The following APC2 variants were observed in gnomAD, a reference collection of about 807,000 sequenced individuals.
APC2 encodes the protein adenomatous polyposis coli protein 2.
In APC2, 41 loss-of-function variants were observed where a neutral mutation model predicts 72.5. The observed-to-expected ratio is 0.57, with a 90% CI of 0.44 to 0.73. APC2 has a LOEUF of 0.73. Ranked by LOEUF, APC2 falls within the 30% of genes least tolerant of loss-of-function variation. APC2 has a pLI of 0.00. For missense variants in APC2, 3,729 were observed against 3,403.4 expected (o/e 1.10, Z -2.38); for synonymous variants, 1,898 against 1,612.0 (o/e 1.18, Z -4.25).
upstream of APC2, chr19:1,450,066 C>T (rs2083724644): frequency 1.1e-6 from 1 of 922,476 alleles, no homozygotes; most frequent in Non-Finnish European, 1.3e-6. Flanking sequence ...CCCGTCTTCC[C>T]GCGCCCTCAT....
Position 1,466,289 on chromosome 19 carries a change from GCCTA to G in APC2, c.2993_2996del (p.Thr998IlefsTer38), listed in dbSNP as rs1484632484. ...CCCGCGTGCGCACCATCAAGCTGTC[GCCTA>G]CCTATCAGCACGTGCCACTGCTTGA... On this transcript the variant is annotated frameshift_variant, in exon 15 of 15. Coordinates refer to ENST00000590469, the MANE Select transcript of APC2 (RefSeq NM_005883.3). LOFTEE classifies it low-confidence loss of function (END_TRUNC). 1 of 1,536,176 alleles carries G rather than the reference GCCTA, an allele frequency of 6.5e-7. No homozygotes were observed. The highest frequency in any genetic ancestry group is 8.7e-7 in the Non-Finnish European group (1 of 1,147,554).
At chr19:1,464,205 A>T (rs2083969495) in intron 14 of APC2, among the ~76,000 whole-genome samples, 1 of 152,078 alleles carries the variant, frequency 6.6e-6, no homozygotes, top group African/African-American at 2.4e-5. Flanking sequence ...CCTACTTGGG[A>T]GGCTAAGGCA....
At position 1,469,022 on chromosome 19, in the gene APC2, G is replaced by A. The variant is rs2084081590; in HGVS notation, c.5721G>A (p.Pro1907=). The change falls in exon 15 of 15, where the codon CCG becomes CCA. Residue 1907 remains proline, a synonymous_variant. Coordinates refer to ENST00000590469, the MANE Select transcript of APC2 (RefSeq NM_005883.3). ...CCCTGCCCGGCCCCGGAGCCTCCCCGGTGCCCAAAACGCCGGCGCGCACCC... is the reference window on the plus strand; with the variant it reads ...CCCTGCCCGGCCCCGGAGCCTCCCCAGTGCCCAAAACGCCGGCGCGCACCC... The part of the protein sequence containing the change: ...AGALPGPGAS[P]VPKTPARTLL... The A allele has an allele frequency of 5.2e-6, 8 of 1,548,358 alleles. No homozygotes were observed. Among genetic ancestry groups the A allele is most frequent in the East Asian group, 2.5e-5 (1 of 40,304 alleles).
chr19:1,458,965 C>A (rs557330127), intron 10 of APC2, among the ~76,000 whole-genome samples: 1 of 152,016 alleles, frequency 6.6e-6, no homozygotes. Flanking sequence ...ATTACAGGCG[C>A]GAGCCACCAC....
Position 1,468,644 on chromosome 19 carries a change from G to T in APC2, c.5343G>T (p.Thr1781=). 1.9e-6 allele frequency: 3 copies of T among 1,593,306 alleles called. No homozygotes were observed. The highest frequency in any genetic ancestry group is 2.6e-6 in the Non-Finnish European group (3 of 1,168,624). The change falls in exon 15 of 15, where the codon ACG becomes ACT. Residue 1781 remains threonine, a synonymous_variant. Transcript: ENST00000590469. ...PEKPRGTQKT[T]PGVPAVLRGR... The stretch of plus-strand genomic sequence containing the variant: ...AGCCACGTGGCACACAGAAGACCAC[G>T]CCCGGGGTGCCAGCTGTGCTCCGGG...
At position 1,468,091 on chromosome 19, in the gene APC2, T is replaced by C; in HGVS notation, c.4790T>C (p.Val1597Ala). 1.3e-6 allele frequency: 2 copies of C among 1,541,782 alleles called. No individual in the cohort carries two copies. Among genetic ancestry groups the C allele is most frequent in the South Asian group, 1.2e-5 (1 of 84,842 alleles). ...SEPEPSEPPAVHPRGREPAVT... is the reference protein window; with the variant it reads ...SEPEPSEPPAAHPRGREPAVT... Reference sequence around the variant, plus strand: ...CCCGAGCCCTCGGAGCCGCCGGCCGTCCATCCACGAGGCCGGGAGCCCGCG... The same window carrying C: ...CCCGAGCCCTCGGAGCCGCCGGCCGCCCATCCACGAGGCCGGGAGCCCGCG... Residue 1597 changes from valine (V) to alanine (A), a missense_variant, in exon 15 of 15, where the codon GTC becomes GCC. Val to Ala is a moderately conservative substitution (Grantham distance 64, BLOSUM62 0). Transcript: ENST00000590469.
rs2084089484 is a variant in APC2 at position 1,469,349 on chromosome 19, C to T, written c.6048C>T (p.Ser2016=). ...RRRSELSSAE[S]AASAPQGASP... Reference sequence around the variant, plus strand: ...GCTCCGAGCTGTCCTCGGCCGAGTCCGCGGCCTCTGCCCCCCAGGGCGCCT... The same window carrying T: ...GCTCCGAGCTGTCCTCGGCCGAGTCTGCGGCCTCTGCCCCCCAGGGCGCCT... The change falls in exon 15 of 15, where the codon TCC becomes TCT. Residue 2016 remains serine (S), a synonymous_variant. Transcript: ENST00000590469. 2 of 1,344,416 alleles carry T rather than the reference C, an allele frequency of 1.5e-6. 1 individual carries two copies. Among genetic ancestry groups the T allele is most frequent in the South Asian group, 3.1e-5 (2 of 64,214 alleles). The allele number at this position is 1,344,416 out of a possible 1,614,324, so 83.3% of individuals were successfully genotyped here. A position where few individuals can be genotyped will look rare whatever the true frequency, so the allele number is the denominator to read the frequency against.
intron 13 of APC2, 81 bp downstream of exon 13, chr19:1,461,234 T>C: frequency 1.6e-6 from 2 of 1,264,804 alleles, no homozygotes; most frequent in South Asian, 2.4e-5. Context: ...GCTCTCCGAC[T>C]TGGGAGGAAA....
intron 13 of APC2, 121 bp from the exon 14 acceptor site, chr19:1,461,842 A>T: frequency 1.2e-6 from 1 of 804,810 alleles, no homozygotes; most frequent in Non-Finnish European, 1.9e-6. Context: ...AGAGAGTGAG[A>T]TTCCGTCTCA....
intron 6 of APC2, 137 bp from the exon 7 acceptor site, chr19:1,455,939 G>A: frequency 1.7e-5 from 5 of 294,600 alleles, no homozygotes; most frequent in Non-Finnish European, 2.6e-5. Flanking sequence ...GAAGGCAGAG[G>A]TAGGGTCAGG....
intron 2 of APC2, 49 bp downstream of exon 2, chr19:1,453,191 C>T (rs111830742): frequency 1.3e-6 from 2 of 1,568,076 alleles, no homozygotes; most frequent in African/African-American, 1.4e-5. Context: ...GGTGGTGCCC[C>T]CCGGCAGCCC....
At position 1,452,975 on chromosome 19, in the gene APC2, T is replaced by C; in HGVS notation, c.-18-9T>C. Reference sequence around the variant, plus strand: ...CCATCAGCTGAACCCTCTGACCCTGTGATCCCAGACGCTGCAGGAGCTGAA... The same window carrying C: ...CCATCAGCTGAACCCTCTGACCCTGCGATCCCAGACGCTGCAGGAGCTGAA... On this transcript the variant is annotated splice_polypyrimidine_tract_variant and intron_variant, in intron 1 of 14. Transcript: ENST00000590469. The surrounding 1 kb of genome is among the most constrained non-coding windows in gnomAD (Gnocchi z 5.1). 1.2e-6 allele frequency: 2 copies of C among 1,609,986 alleles called. No individual in the cohort carries two copies. The highest frequency in any genetic ancestry group is 1.7e-6 in the Non-Finnish European group (2 of 1,179,468).
intron 14 of APC2, 31 bp downstream of exon 14, chr19:1,462,208 G>A (rs1599148313): frequency 6.7e-7 from 1 of 1,488,698 alleles, no homozygotes. Context: ...CCGCACACAG[G>A]CAGCTGCGCT....
chr19:1,454,403 G>C (rs1369886900), intron 4 of APC2, among the ~76,000 whole-genome samples: 1 of 151,012 alleles, frequency 6.6e-6, no homozygotes, highest in Non-Finnish European at 1.5e-5. Flanking sequence ...GTTTGAAACA[G>C]GGTCTCACTC....
chr19:1,449,462 G>A (rs932231814), upstream of APC2, among the ~76,000 whole-genome samples: 6 of 152,182 alleles, frequency 3.9e-5, no homozygotes, highest in Non-Finnish European at 7.3e-5. Context: ...CACCCACCAG[G>A]GGCAGAGACA....
chr19:1,462,216 G>T, intron 14 of APC2, 39 bp downstream of exon 14: 1 of 1,499,122 alleles, frequency 6.7e-7, no homozygotes. Context: ...AGGCAGCTGC[G>T]CTCGGGGCGG....
Position 1,466,832 on chromosome 19 carries a change from C to T in APC2, c.3531C>T (p.Ala1177=). Residue 1177 remains alanine, a synonymous_variant, in exon 15 of 15, where the codon GCC becomes GCT. Transcript: ENST00000590469. ...SLGSFESPSI[A]SSIPSEPCSG... ...GCAGCTTCGAGAGCCCGTCCATCGC[C>T]AGCTCCATCCCCAGTGAACCTTGCA... 6.4e-7 allele frequency: 1 copy of T among 1,557,126 alleles called. No homozygotes were observed. The highest frequency in any genetic ancestry group is 2.4e-5 in the East Asian group (1 of 41,702).
chr19:1,465,968 C>T lies in APC2; in HGVS notation c.2667C>T (p.Ala889=). 4 of 1,564,630 alleles carry T rather than the reference C, an allele frequency of 2.6e-6. No homozygotes were observed. The highest frequency in any genetic ancestry group is 3.4e-6 in the Non-Finnish European group (4 of 1,163,070). The part of the protein sequence containing the change: ...PGQEAPREGR[A]QSCSPCRGPE... ...AGGAGGCGCCACGGGAGGGCCGCGCCCAGTCCTGCTCGCCATGCCGCGGCC... is the reference window on the plus strand; with the variant it reads ...AGGAGGCGCCACGGGAGGGCCGCGCTCAGTCCTGCTCGCCATGCCGCGGCC... Residue 889 remains alanine (A), a synonymous_variant, in exon 15 of 15, where the codon GCC becomes GCT. Coordinates refer to ENST00000590469, the MANE Select transcript of APC2 (RefSeq NM_005883.3).
At chr19:1,456,243 A>C in intron 7 of APC2, 63 bp from the exon 8 acceptor site, 1 of 1,561,444 alleles carries the variant, frequency 6.4e-7, no homozygotes, top group Non-Finnish European at 8.7e-7. Flanking sequence ...CGCCCACATC[A>C]TCACGGGTGA....
Sources: allele counts gnomAD v4.1 joint callset (sites outside exome capture counted in the v4.1 genomes callset), GRCh38; gene constraint gnomAD v4.1.1; non-coding constraint Gnocchi (gnomAD v3.1); transcripts MANE v1.5; gene names NCBI Gene and HGNC (gene_info 2026-07-23, HGNC 2026-07-21).